Variants in KCNQ5 observed in about 807,000 individuals in gnomAD.
The protein encoded by KCNQ5 is potassium voltage-gated channel subfamily KQT member 5.
In KCNQ5, 30 loss-of-function variants were observed where a neutral mutation model predicts 98.2. The observed-to-expected ratio is 0.31, with a 90% CI of 0.23 to 0.41. The LOEUF (loss-of-function observed/expected upper bound fraction) is 0.41. Ranked by LOEUF, KCNQ5 falls within the 10% of genes least tolerant of loss-of-function variation. The pLI is 1.00. For synonymous variants in KCNQ5, 458 were observed against 449.4 expected (o/e 1.02, Z -0.24); for missense variants, 835 against 1,182.5 (o/e 0.71, Z 4.31).
chr6:72,731,146 T>A (rs1262460479), intron 1 of KCNQ5, among the ~76,000 whole-genome samples: 1 of 152,184 alleles, frequency 6.6e-6, no homozygotes, highest in Non-Finnish European at 1.5e-5. Context: ...AACAGATAGA[T>A]GTTATAAGTA....
chr6:73,073,757 A>T (rs7741782), intron 3 of KCNQ5, among the ~76,000 whole-genome samples: 24,563 of 152,174 alleles, frequency 0.16, 3,861 homozygotes, highest in African/African-American at 0.41. Context: ...GGCTGTCCAT[A>T]GTTTCTACCT....
intron 1 of KCNQ5, among the ~76,000 whole-genome samples, chr6:72,930,579 CA>C (rs5877339): frequency 0.035 from 3,270 of 94,186 alleles, 22 homozygotes; most frequent in Non-Finnish European, 0.042. Context: ...GACATTTTAC[CA>C]AAAAAAAAAA....
chr6:72,740,203 A>C (rs1771058174), intron 1 of KCNQ5, among the ~76,000 whole-genome samples: 1 of 152,222 alleles, frequency 6.6e-6, no homozygotes, highest in Non-Finnish European at 1.5e-5. Flanking sequence ...AAAAATATTT[A>C]CTAAGTACTT....
chr6:72,726,448 C>T (rs567013943), intron 1 of KCNQ5, among the ~76,000 whole-genome samples: 5 of 151,978 alleles, frequency 3.3e-5, no homozygotes, highest in Admixed American at 2.0e-4. Flanking sequence ...CTCCTGACCT[C>T]GTGATCCGCC....
intron 10 of KCNQ5, among the ~76,000 whole-genome samples, chr6:73,165,407 A>G (rs1175079033): frequency 2.6e-5 from 4 of 152,166 alleles, no homozygotes; most frequent in Admixed American, 6.5e-5. Context: ...CCCAGCCTGT[A>G]TATGAGTCCT....
chr6:72,943,588 T>C (rs1582061166), intron 1 of KCNQ5, among the ~76,000 whole-genome samples: 1 of 152,224 alleles, frequency 6.6e-6, no homozygotes, highest in Non-Finnish European at 1.5e-5. Flanking sequence ...CTAGGAGTAG[T>C]TTATTACTAA....
At chr6:73,025,952 T>A (rs536932821) in intron 2 of KCNQ5, among the ~76,000 whole-genome samples, 51 of 152,286 alleles carry the variant, frequency 3.3e-4, no homozygotes, top group African/African-American at 1.2e-3. Context: ...TATGATATAT[T>A]TATATTTTCA....
rs565188659 is a variant in KCNQ5 at position 72,770,951 on chromosome 6, A to G, written c.398+148364A>G. 4.0e-5 allele frequency among the ~76,000 whole-genome samples: 6 copies of G among 151,016 alleles called. No individual in the cohort carries two copies. In the East Asian group the frequency reaches 9.7e-4, roughly 24 times the overall value. On this transcript the variant is annotated intron_variant, in intron 1 of 13. Transcript: ENST00000370398. The stretch of plus-strand genomic sequence containing the variant: ...GCTCTCTATTGGCTTTCACATTTAG[A>G]GAGAAATATGAAATTCTCTCAGCCC...
chr6:73,022,555 G>A (rs1770653951), intron 2 of KCNQ5, among the ~76,000 whole-genome samples: 1 of 152,078 alleles, frequency 6.6e-6, no homozygotes, highest in East Asian at 1.9e-4. Context: ...GCTGCAGTGA[G>A]CTATGATCAT....
rs372618657 is a variant in KCNQ5 at position 72,998,393 on chromosome 6, T to C, written c.399-5515T>C. On this transcript the variant is annotated intron_variant, in intron 1 of 13. Coordinates refer to ENST00000370398, the MANE Select transcript of KCNQ5 (RefSeq NM_019842.4). ...TTGTTTTCTTAAAATATTCTATATC[T>C]TCTTCCTGTTAGCATCTTTTATTTC... 5.9e-5 allele frequency among the ~76,000 whole-genome samples: 9 copies of C among 152,228 alleles called. No homozygotes were observed. In the East Asian group the frequency reaches 1.2e-3, roughly 20 times the overall value.
intron 1 of KCNQ5, among the ~76,000 whole-genome samples, chr6:72,826,972 T>C (rs1176286729): frequency 6.6e-6 from 1 of 152,172 alleles, no homozygotes. Flanking sequence ...TGAGAACATG[T>C]GGTGTTTAAC....
At chr6:72,953,884 A>G (rs1211110997) in intron 1 of KCNQ5, among the ~76,000 whole-genome samples, 1 of 152,212 alleles carries the variant, frequency 6.6e-6, no homozygotes, top group Non-Finnish European at 1.5e-5. Context: ...TGGAGGAGAC[A>G]GCACAGCCAA....
chr6:73,091,217 C>G (rs1774232721), intron 5 of KCNQ5, among the ~76,000 whole-genome samples: 1 of 151,978 alleles, frequency 6.6e-6, no homozygotes, highest in South Asian at 2.1e-4. Flanking sequence ...CAAAGTAACT[C>G]AAGAAGAGAA....
At chr6:72,998,392 C>T (rs546831001) in intron 1 of KCNQ5, among the ~76,000 whole-genome samples, 2 of 152,304 alleles carry the variant, frequency 1.3e-5, no homozygotes, top group Non-Finnish European at 2.9e-5. Context: ...TATTCTATAT[C>T]TTCTTCCTGT....
At chr6:73,191,249 T>G (rs774640661) in intron 12 of KCNQ5, among the ~76,000 whole-genome samples, 1 of 152,154 alleles carries the variant, frequency 6.6e-6, no homozygotes, top group Admixed American at 6.5e-5. Flanking sequence ...AGAATCTCGG[T>G]GTGCTGGGCC....
chr6:73,115,104 T>G (rs1165168101), intron 7 of KCNQ5, among the ~76,000 whole-genome samples: 3 of 151,840 alleles, frequency 2.0e-5, no homozygotes, highest in Admixed American at 6.6e-5. Context: ...AAGATCAGTC[T>G]GGGCAATATA....
intron 10 of KCNQ5, among the ~76,000 whole-genome samples, chr6:73,165,517 A>C (rs1777760316): frequency 6.6e-6 from 1 of 152,182 alleles, no homozygotes. Flanking sequence ...GGCCCAGCAC[A>C]TGGCCATGGT....
intron 1 of KCNQ5, among the ~76,000 whole-genome samples, chr6:72,768,528 T>C (rs1772691048): frequency 6.6e-6 from 1 of 152,022 alleles, no homozygotes; most frequent in Non-Finnish European, 1.5e-5. Flanking sequence ...GAAAGAGAAA[T>C]TGATGGTACA....
intron 1 of KCNQ5, among the ~76,000 whole-genome samples, chr6:72,795,790 C>T (rs1774299805): frequency 6.6e-6 from 1 of 152,142 alleles, no homozygotes; most frequent in Admixed American, 6.5e-5. Flanking sequence ...CCCATCCCAG[C>T]TATGTTATCA....
Sources: gnomAD v4.1 joint callset for allele counts (sites outside exome capture counted in the v4.1 genomes callset) on GRCh38, gnomAD v4.1.1 for gene constraint, MANE v1.5 for transcripts, NCBI Gene and HGNC (gene_info 2026-07-23, HGNC 2026-07-21) for gene names.